CSMD1: variants seen among roughly 807,000 people sequenced by gnomAD.
The protein encoded by CSMD1 is CUB and Sushi multiple domains 1.
A neutral mutation model predicts 417.5 loss-of-function variants in CSMD1; 213 were observed. The observed-to-expected ratio is 0.51, with a 90% CI of 0.46 to 0.57. The LOEUF is 0.57. CSMD1 is among the 20% of genes least tolerant of loss of function. The pLI is 0.00. For synonymous variants in CSMD1, 2,862 were observed against 1,736.8 expected, an observed-to-expected ratio of 1.65 and a Z score of -16.11; for missense variants, 6,923 against 4,529.7, an observed-to-expected ratio of 1.53 and a Z score of -15.17.
intron 2 of CSMD1, among the ~76,000 whole-genome samples, chr8:4,553,834 G>C (rs1483213355): frequency 6.6e-6 from 1 of 152,240 alleles, no homozygotes; most frequent in East Asian, 1.9e-4. Flanking sequence ...GACATGATTG[G>C]GTTAGCTGGG....
chr8:4,662,537 C>T (rs1359624664), intron 1 of CSMD1, among the ~76,000 whole-genome samples: 1 of 152,198 alleles, frequency 6.6e-6, no homozygotes. Context: ...CAGGCACTTT[C>T]GCTCGTCTCC....
At chr8:3,042,276 C>G (rs1439986232) in intron 50 of CSMD1, among the ~76,000 whole-genome samples, 1 of 152,138 alleles carries the variant, frequency 6.6e-6, no homozygotes. Context: ...AGCACAGAGA[C>G]TCGTGCATCT....
At chr8:4,361,494 G>A (rs553931361) in intron 3 of CSMD1, among the ~76,000 whole-genome samples, 1 of 152,050 alleles carries the variant, frequency 6.6e-6, no homozygotes, top group South Asian at 2.1e-4. Context: ...CCACTTTACA[G>A]ATTAGAAGAC....
chr8:4,790,755 G>C (rs1303076045), intron 1 of CSMD1, among the ~76,000 whole-genome samples: 8 of 152,150 alleles, frequency 5.3e-5, no homozygotes, highest in African/African-American at 1.9e-4. Flanking sequence ...TTCAATAAAT[G>C]GTGCTAAGAT....
intron 8 of CSMD1, among the ~76,000 whole-genome samples, chr8:3,595,843 G>C (rs1376359080): frequency 6.6e-6 from 1 of 152,224 alleles, no homozygotes; most frequent in South Asian, 2.1e-4. Context: ...GGCAAAAGCT[G>C]TTTGCACACT....
intron 5 of CSMD1, among the ~76,000 whole-genome samples, chr8:3,897,496 T>C (rs142728858): frequency 6.6e-5 from 10 of 152,262 alleles, no homozygotes; most frequent in African/African-American, 9.6e-5. Context: ...GATCTTAAAG[T>C]CATGCATAAA....
chr8:4,788,236 C>T, intron 1 of CSMD1: 10 of 1,589,184 alleles, frequency 6.3e-6, no homozygotes, highest in Admixed American at 1.7e-5. Context: ...CCAGATGAAA[C>T]TCTGAGGGTT....
chr8:4,632,034 T>C (rs552035289), intron 2 of CSMD1, among the ~76,000 whole-genome samples: 1 of 152,330 alleles, frequency 6.6e-6, no homozygotes, highest in East Asian at 1.9e-4. Flanking sequence ...TCAACGTCAA[T>C]TGTTTCTGAT....
chr8:4,306,945 A>C (rs148566024), intron 3 of CSMD1, among the ~76,000 whole-genome samples: 5 of 152,098 alleles, frequency 3.3e-5, no homozygotes, highest in African/African-American at 1.2e-4. Context: ...GTATCTGTCG[A>C]TCCTACCCCC....
chr8:3,812,684 G>A (rs937945858), intron 5 of CSMD1, among the ~76,000 whole-genome samples: 1 of 152,186 alleles, frequency 6.6e-6, no homozygotes, highest in Non-Finnish European at 1.5e-5. Flanking sequence ...TGCAACGCAT[G>A]CAAATGACAA....
intron 65 of CSMD1, among the ~76,000 whole-genome samples, 158 bp from the exon 66 acceptor site, chr8:2,951,433 G>T (rs1262523218): frequency 1.3e-5 from 2 of 152,186 alleles, no homozygotes; most frequent in African/African-American, 4.8e-5. Flanking sequence ...TTCACAGCAC[G>T]TGCAAAACTC....
chr8:3,500,551 G>C (rs1187250105), intron 10 of CSMD1, among the ~76,000 whole-genome samples: 3 of 152,146 alleles, frequency 2.0e-5, no homozygotes, highest in African/African-American at 4.8e-5. Flanking sequence ...CATATTTAGA[G>C]GTCAAGGAAT....
At chr8:4,333,119 C>T (rs1357472082) in intron 3 of CSMD1, among the ~76,000 whole-genome samples, 2 of 151,996 alleles carry the variant, frequency 1.3e-5, no homozygotes, top group East Asian at 1.9e-4. Context: ...TTGAAAATAG[C>T]AGGTGAAATC....
chr8:4,119,835 G>T (rs142294072), intron 3 of CSMD1, among the ~76,000 whole-genome samples: 11 of 152,318 alleles, frequency 7.2e-5, no homozygotes, highest in Middle Eastern at 3.4e-3. Flanking sequence ...ACTCCTACAC[G>T]TTTGTGTATG....
At chr8:3,853,480 A>G (rs931006780) in intron 5 of CSMD1, among the ~76,000 whole-genome samples, 2 of 152,220 alleles carry the variant, frequency 1.3e-5, no homozygotes, top group Non-Finnish European at 2.9e-5. Flanking sequence ...ATCTTTGTCT[A>G]CGTTGTTCAC....
intron 2 of CSMD1, among the ~76,000 whole-genome samples, chr8:4,634,390 T>C (rs1430567370): frequency 6.6e-6 from 1 of 152,146 alleles, no homozygotes; most frequent in Non-Finnish European, 1.5e-5. Context: ...CGAAAAAAAA[T>C]ATTACAGTGG....
At chr8:3,475,524 T>A (rs1041482406) in intron 11 of CSMD1, among the ~76,000 whole-genome samples, 4 of 152,228 alleles carry the variant, frequency 2.6e-5, no homozygotes, top group Non-Finnish European at 5.9e-5. Flanking sequence ...TGTCATTAAT[T>A]CACGTGTGAT....
At chr8:3,651,457 G>A (rs990249039) in intron 7 of CSMD1, among the ~76,000 whole-genome samples, 9 of 152,162 alleles carry the variant, frequency 5.9e-5, no homozygotes, top group Non-Finnish European at 1.0e-4. Context: ...GTCTGTGCAC[G>A]TTCTGACTTC....
rs534945284 is a variant in CSMD1 at position 4,722,532 on chromosome 8, C to G, written c.86-84974G>C. Among the ~76,000 whole-genome samples, 11 of 152,112 alleles carry G rather than the reference C, an allele frequency of 7.2e-5. No individual in the cohort carries two copies. The East Asian group carries it at 1.9e-3, about 27-fold the overall frequency. ...ATTGCTGATTCTTCAGGAGTATGCT[C>G]TGAATGGGGTAGAACTTTCCAAATG... is the stretch of plus-strand genomic sequence containing the variant. On this transcript the variant is annotated intron_variant, in intron 1 of 69. Transcript: ENST00000635120.
Sources: allele counts gnomAD v4.1 joint callset (sites outside exome capture counted in the v4.1 genomes callset), GRCh38; gene constraint gnomAD v4.1.1; transcripts MANE v1.5; gene names NCBI Gene and HGNC (gene_info 2026-07-23, HGNC 2026-07-21).